Variants in JMJD1C observed in about 807,000 individuals in gnomAD.
The protein encoded by JMJD1C is jumonji domain containing 1C, also known as jumonji domain-containing protein 1C.
A neutral mutation model predicts 245.3 loss-of-function variants in JMJD1C; 31 were observed. The ratio of observed to expected loss-of-function variants is 0.13; its 90% CI spans 0.09 to 0.17. The LOEUF is 0.17. JMJD1C is among the 10% of genes least tolerant of loss of function. The pLI is 1.00. For synonymous variants in JMJD1C, 1,057 were observed against 1,017.4 expected (o/e 1.04, Z -0.74); for missense variants, 2,691 against 3,000.2 (o/e 0.90, Z 2.41).
intron 2 of JMJD1C, 46 bp downstream of exon 2, chr10:63,380,272 T>C: frequency 6.3e-7 from 1 of 1,593,828 alleles, no homozygotes; most frequent in Non-Finnish European, 8.6e-7. Flanking sequence ...TTCTTTGTTT[T>C]AAACGAACAA....
At chr10:63,192,869 C>A (rs1447560363) in intron 16 of JMJD1C, 69 bp downstream of exon 16, 3 of 1,165,530 alleles carry the variant, frequency 2.6e-6, no homozygotes, top group Middle Eastern at 2.1e-4. Context: ...CTTTATTGTA[C>A]AATAGTACAT....
At chr10:63,266,177 T>C (rs1855550773) in intron 2 of JMJD1C, among the ~76,000 whole-genome samples, 1 of 152,130 alleles carries the variant, frequency 6.6e-6, no homozygotes, top group Admixed American at 6.5e-5. Flanking sequence ...TTCTCACTTA[T>C]TTTCGATATT....
intron 2 of JMJD1C, among the ~76,000 whole-genome samples, chr10:63,285,625 T>C (rs1857895081): frequency 6.6e-6 from 1 of 152,116 alleles, no homozygotes; most frequent in Admixed American, 6.6e-5. Context: ...CTGGGCAACC[T>C]GGGGAGATCC....
chr10:63,247,623 C>T (rs562209171), intron 3 of JMJD1C, among the ~76,000 whole-genome samples: 2 of 144,208 alleles, frequency 1.4e-5, no homozygotes, highest in South Asian at 4.4e-4. Context: ...GTCCCAGCTA[C>T]TTGGAGGTTG....
Position 63,427,657 on chromosome 10 carries a change from A to G in JMJD1C, c.168+37838T>C, listed in dbSNP as rs1377193491. On this transcript the variant is annotated intron_variant, in intron 1 of 25. Coordinates refer to ENST00000399262, the MANE Select transcript of JMJD1C (RefSeq NM_032776.3). ...TGTTTACTGTATGAACTCTAACAAC[A>G]GTGGCTGGACCGAAATCCGCAGAGA... 5 of 1,319,794 alleles carry G rather than the reference A, an allele frequency of 3.8e-6. No homozygotes were observed. In the Admixed American group the frequency reaches 8.5e-5, roughly 22 times the overall value. The allele number at this position is 1,319,794 out of a possible 1,614,324, so 81.8% of individuals were successfully genotyped here. A position where few individuals can be genotyped will look rare whatever the true frequency, so the allele number is the denominator to read the frequency against.
At chr10:63,425,177 C>T (rs1950369029) in intron 1 of JMJD1C, among the ~76,000 whole-genome samples, 1 of 152,036 alleles carries the variant, frequency 6.6e-6, no homozygotes. Flanking sequence ...GGTATAAATA[C>T]AGATAAAATT....
chr10:63,246,742 ACTGTCTT>A (rs1852256273), intron 3 of JMJD1C, among the ~76,000 whole-genome samples: 1 of 152,214 alleles, frequency 6.6e-6, no homozygotes, highest in Non-Finnish European at 1.5e-5. Context: ...CATACGGCAA[ACTGTCTT>A]TTCTGACCAC....
At chr10:63,407,597 A>C (rs1391321586) in intron 1 of JMJD1C, among the ~76,000 whole-genome samples, 1 of 152,170 alleles carries the variant, frequency 6.6e-6, no homozygotes, top group Admixed American at 6.5e-5. Flanking sequence ...TATTACATAC[A>C]AGTAGTCTGA....
At chr10:63,474,485 C>T (rs1953596472) in intron 1 of JMJD1C, among the ~76,000 whole-genome samples, 1 of 150,830 alleles carries the variant, frequency 6.6e-6, no homozygotes, top group Non-Finnish European at 1.5e-5. Flanking sequence ...TCACTCTTGT[C>T]ACCCATGCTG....
At chr10:63,330,905 T>C (rs1942071613) in intron 2 of JMJD1C, among the ~76,000 whole-genome samples, 1 of 152,146 alleles carries the variant, frequency 6.6e-6, no homozygotes, top group African/African-American at 2.4e-5. Context: ...AATTTTAGAA[T>C]CTAATCATCT....
chr10:63,387,628 A>ATTTTTTTTTTTTTTTTTTTTTTTTT (rs1564863555), intron 1 of JMJD1C, among the ~76,000 whole-genome samples: 1 of 18,596 alleles, frequency 5.4e-5, no homozygotes, highest in African/African-American at 1.0e-4. Flanking sequence ...AGAAAAAAAA[A>ATTTTTTTTTTTTTTTTTTTTTTTTT]ATTTTTTTTT....
At chr10:63,181,618 A>G (rs1226551724) in intron 22 of JMJD1C, among the ~76,000 whole-genome samples, 1 of 152,248 alleles carries the variant, frequency 6.6e-6, no homozygotes, top group African/African-American at 2.4e-5. Flanking sequence ...GAAAGAGAGC[A>G]AAAGGATTAT....
At chr10:63,256,141 C>CT (rs1378687110) in intron 3 of JMJD1C, among the ~76,000 whole-genome samples, 1 of 152,148 alleles carries the variant, frequency 6.6e-6, no homozygotes. Context: ...GAAAGAACTA[C>CT]TGCAGTGACT....
intron 2 of JMJD1C, among the ~76,000 whole-genome samples, chr10:63,294,281 CTT>C (rs879496042): frequency 7.0e-6 from 1 of 142,868 alleles, no homozygotes; most frequent in Admixed American, 7.1e-5. Flanking sequence ...TCAGTTCAAT[CTT>C]TTTTTTTTTT....
chr10:63,214,634 A>T lies in JMJD1C; in HGVS notation c.1533T>A (p.Asp511Glu). ...TTTCTAAATTAGTGTCATTTGTAAT[A>T]TCAATAACACATTTTGGTGTGGGTG... is the stretch of plus-strand genomic sequence containing the variant. Reference protein sequence around the residue: ...SRPPTPKCVIDITNDTNLEKV... With the variant: ...SRPPTPKCVIEITNDTNLEKV... Residue 511 changes from aspartate to glutamate, a missense_variant, in exon 8 of 26, where the codon GAT (aspartate) becomes GAA (glutamate). This residue lies in a region of JMJD1C where 1,562 missense variants were observed against 1,490.7 expected (regional missense o/e 1.05). Coordinates refer to ENST00000399262, the MANE Select transcript of JMJD1C (RefSeq NM_032776.3). The T allele has an allele frequency of 6.2e-7, 1 of 1,614,152 alleles. No individual in the cohort carries two copies. Among genetic ancestry groups the T allele is most frequent in the Non-Finnish European group, 8.5e-7 (1 of 1,180,006 alleles).
In JMJD1C at chr10:63,200,566, T is replaced by A. The variant is rs1423012322; in HGVS notation, c.5186A>T (p.Gln1729Leu). ...AATAAGTCTACATTCTCGACACTTT[T>A]GTAAATTAGGCCCTATCTCACAGCA... ...DSCCEIGPNL[Q>L]KCRECRLIRS... is the part of the protein sequence containing the mutation. Residue 1729 changes from glutamine (Q) to leucine (L), a missense_variant, in exon 11 of 26, where the codon CAA becomes CTA. This residue lies in a region of JMJD1C where 139 missense variants were observed against 270.5 expected (regional missense o/e 0.51). Coordinates refer to ENST00000399262, the MANE Select transcript of JMJD1C (RefSeq NM_032776.3). 1.2e-6 allele frequency: 2 copies of A among 1,613,924 alleles called. No homozygotes were observed. Among genetic ancestry groups the A allele is most frequent in the Non-Finnish European group, 1.7e-6 (2 of 1,179,956 alleles).
chr10:63,398,942 T>C lies in JMJD1C; in HGVS notation c.169-18460A>G, dbSNP rs376675883. On this transcript the variant is annotated intron_variant, in intron 1 of 25. Coordinates refer to ENST00000399262, the MANE Select transcript of JMJD1C (RefSeq NM_032776.3). Reference sequence around the variant, plus strand: ...CATTACACGTGGGAGCCACCGCTCCTGGCCACTGGAATATATTTTAAGTGA... The same window carrying C: ...CATTACACGTGGGAGCCACCGCTCCCGGCCACTGGAATATATTTTAAGTGA... 1.6e-4 allele frequency among the ~76,000 whole-genome samples: 25 copies of C among 152,332 alleles called. No homozygotes were observed. The South Asian group carries it at 5.2e-3, about 32-fold the overall frequency.
intron 2 of JMJD1C, among the ~76,000 whole-genome samples, chr10:63,335,321 T>C (rs1942611674): frequency 6.6e-6 from 1 of 152,168 alleles, no homozygotes; most frequent in Non-Finnish European, 1.5e-5. Context: ...AATGTAGGCA[T>C]GGGGGCAAAG....
intron 1 of JMJD1C, among the ~76,000 whole-genome samples, chr10:63,419,280 G>T (rs536074033): frequency 2.0e-5 from 3 of 150,964 alleles, no homozygotes; most frequent in Admixed American, 6.6e-5. Flanking sequence ...CCAGCTACTC[G>T]AGAGTCTGAG....
Sources: allele counts gnomAD v4.1 joint callset (sites outside exome capture counted in the v4.1 genomes callset), GRCh38; gene constraint gnomAD v4.1.1; regional missense constraint gnomAD v4.1.1; transcripts MANE v1.5; gene names NCBI Gene and HGNC (gene_info 2026-07-23, HGNC 2026-07-21).